MMEL1: variants seen among roughly 807,000 people sequenced by gnomAD.
MMEL1 encodes the protein membrane metallo-endopeptidase-like 1.
In MMEL1, 98 loss-of-function variants were observed where a neutral mutation model predicts 117.1. The observed-to-expected ratio is 0.84, with a 90% CI of 0.71 to 0.99. MMEL1 has a LOEUF of 0.99. Among genes scored for constraint, MMEL1 ranks in the 50% least tolerant of loss-of-function variants. MMEL1 has a pLI of 0.00. For missense variants in MMEL1, 1,014 were observed against 1,049.1 expected (o/e 0.97, Z 0.46); for synonymous variants, 390 against 415.1 (o/e 0.94, Z 0.74).
intron 9 of MMEL1, 44 bp downstream of exon 9, chr1:2,605,514 G>C (rs1314135315): frequency 1.3e-6 from 2 of 1,565,894 alleles, no homozygotes; most frequent in South Asian, 1.1e-5. Context: ...CGGGGTAGGG[G>C]GTGATGGGGG....
chr1:2,598,729 G>A lies in MMEL1; in HGVS notation c.1103C>T (p.Pro368Leu), dbSNP rs770991330. 6.2e-7 allele frequency: 1 copy of A among 1,614,108 alleles called. No homozygotes were observed. The highest frequency in any genetic ancestry group is 8.5e-7 in the Non-Finnish European group (1 of 1,179,988). The change falls in exon 12 of 24, where the codon CCA becomes CTA. Residue 368 changes from proline (P) to leucine (L), a missense_variant. Coordinates refer to ENST00000378412, the MANE Select transcript of MMEL1 (RefSeq NM_033467.4). ...GCCATAGACCACCACTTCCTCATCT[G>A]GCAGCAGCTTGATTTTGACAGAGGA... is the stretch of plus-strand genomic sequence containing the variant. The part of the protein sequence containing the change: ...VLSSVKIKLL[P>L]DEEVVVYGIP...
At position 2,596,541 on chromosome 1, in the gene MMEL1, C is replaced by T; in HGVS notation, c.1401+20G>A. The stretch of plus-strand genomic sequence containing the variant: ...TGTGGAAGGCTGGCCCCGCGTGGGC[C>T]ATGGATGAGGGGCGCCCACCATGCT... On this transcript the variant is annotated intron_variant, in intron 14 of 23. Coordinates refer to ENST00000378412, the MANE Select transcript of MMEL1 (RefSeq NM_033467.4). The T allele has an allele frequency of 1.2e-6, 2 of 1,605,490 alleles. No homozygotes were observed. The highest frequency in any genetic ancestry group is 1.7e-6 in the Non-Finnish European group (2 of 1,179,196).
chr1:2,591,721 C>A, intron 22 of MMEL1, 88 bp from the exon 23 acceptor site: 4 of 1,199,818 alleles, frequency 3.3e-6, no homozygotes, highest in Non-Finnish European at 3.7e-6. Context: ...CCCAGGCTGC[C>A]CCTTCTAGGG....
intron 2 of MMEL1, among the ~76,000 whole-genome samples, chr1:2,617,288 G>T (rs1482302353): frequency 6.6e-6 from 1 of 152,032 alleles, no homozygotes; most frequent in Non-Finnish European, 1.5e-5. Context: ...TTAGCCGGGC[G>T]TGGTGGCGGG....
chr1:2,592,800 C>T (rs1428837800), intron 20 of MMEL1, 33 bp downstream of exon 20: 1 of 1,612,332 alleles, frequency 6.2e-7, no homozygotes. Context: ...GCTCCGGTAC[C>T]CCCGCAGCCT....
At chr1:2,630,004 G>A (rs1374064424) in intron 1 of MMEL1, 3 of 152,746 alleles carry the variant, frequency 2.0e-5, no homozygotes, top group Admixed American at 2.0e-4. Context: ...TGACTACGTG[G>A]GCCAGGAAGG....
chr1:2,600,754 C>T (rs1393384189), intron 11 of MMEL1, among the ~76,000 whole-genome samples: 1 of 152,084 alleles, frequency 6.6e-6, no homozygotes, highest in Non-Finnish European at 1.5e-5. Context: ...TTTGTTTATT[C>T]TACAAATAAA....
intron 11 of MMEL1, among the ~76,000 whole-genome samples, chr1:2,599,999 G>C (rs767667949): frequency 6.6e-6 from 1 of 151,990 alleles, no homozygotes; most frequent in South Asian, 2.1e-4. Context: ...ACAGAGTCTC[G>C]CTTTGTTGCC....
chr1:2,604,197 C>T lies in MMEL1; in HGVS notation c.901G>A (p.Val301Met), dbSNP rs752861108. 2 of 1,612,782 alleles carry T rather than the reference C, an allele frequency of 1.2e-6. No individual in the cohort carries two copies. Among genetic ancestry groups the T allele is most frequent in the Non-Finnish European group, 1.7e-6 (2 of 1,179,914 alleles). Residue 301 changes from valine to methionine, a missense_variant, in exon 10 of 24, where the codon GTG (valine) becomes ATG (methionine). Transcript: ENST00000378412. ...AGCACCTGCACCATGTCCTCCTGCACCAGGCAGCTGTCCCTGGGCAGGTTT... is the reference window on the plus strand; with the variant it reads ...AGCACCTGCACCATGTCCTCCTGCATCAGGCAGCTGTCCCTGGGCAGGTTT... ...DANLPRDSCL[V>M]QEDMVQVLEL...
At chr1:2,615,697 G>C (rs1196262348) in intron 2 of MMEL1, among the ~76,000 whole-genome samples, 1 of 152,016 alleles carries the variant, frequency 6.6e-6, no homozygotes, top group African/African-American at 2.4e-5. Context: ...CTGGGGGTGG[G>C]GTATATAGGG....
At chr1:2,631,528 G>A (rs958938407) in intron 1 of MMEL1, among the ~76,000 whole-genome samples, 2 of 152,206 alleles carry the variant, frequency 1.3e-5, no homozygotes, top group South Asian at 4.1e-4. Context: ...CTCCTCCAGA[G>A]ATCCCTGACC....
chr1:2,594,654 G>A, intron 17 of MMEL1, 136 bp downstream of exon 17: 1 of 896,816 alleles, frequency 1.1e-6, no homozygotes, highest in South Asian at 1.6e-5. Flanking sequence ...TCCAAGATAG[G>A]CCCAGTGACT....
At chr1:2,610,695 A>C (rs932281507) in intron 4 of MMEL1, among the ~76,000 whole-genome samples, 1 of 152,116 alleles carries the variant, frequency 6.6e-6, no homozygotes, top group Non-Finnish European at 1.5e-5. Flanking sequence ...CTTCCCACTG[A>C]ACGCTTTCAA....
chr1:2,598,016 G>A (rs914900395), intron 13 of MMEL1, among the ~76,000 whole-genome samples, 191 bp downstream of exon 13: 2 of 152,236 alleles, frequency 1.3e-5, no homozygotes, highest in Admixed American at 6.5e-5. Flanking sequence ...CATACTCTGC[G>A]GTTTTGGCAG....
intron 7 of MMEL1, 71 bp downstream of exon 7, chr1:2,606,903 T>A: frequency 7.0e-7 from 1 of 1,431,320 alleles, no homozygotes; most frequent in Non-Finnish European, 9.7e-7. Flanking sequence ...CTGGAAGGCC[T>A]CAGACCGAAG....
At chr1:2,614,346 C>A (rs141862169) in intron 2 of MMEL1, among the ~76,000 whole-genome samples, 1 of 152,144 alleles carries the variant, frequency 6.6e-6, no homozygotes, top group African/African-American at 2.4e-5. Flanking sequence ...TGTACATAAG[C>A]GCTGTACTCT....
chr1:2,612,542 C>T lies in MMEL1; in HGVS notation c.155-338G>A, dbSNP rs1645147587. Among the ~76,000 whole-genome samples, 1 of 152,174 alleles carries T rather than the reference C, an allele frequency of 6.6e-6. No individual in the cohort carries two copies. Among genetic ancestry groups the T allele is most frequent in the Admixed American group, 6.5e-5 (1 of 15,286 alleles). ...GAGACCTTCCTCTTCCCGACAGCCT[C>T]CTCTACCTCAGGATCTTCCTGACCC... On this transcript the variant is annotated intron_variant, in intron 2 of 23. Coordinates refer to ENST00000378412, the MANE Select transcript of MMEL1 (RefSeq NM_033467.4). This position sits in a 1 kb window ranked among gnomAD's most constrained non-coding sequence, Gnocchi z 5.4.
Position 2,612,155 on chromosome 1 carries a change from C to T in MMEL1, c.204G>A (p.Glu68=), listed in dbSNP as rs1645140443. Residue 68 remains glutamate, a synonymous_variant, in exon 3 of 24, where the codon GAG becomes GAA. Coordinates refer to ENST00000378412, the MANE Select transcript of MMEL1 (RefSeq NM_033467.4). This position sits in a 1 kb window ranked among gnomAD's most constrained non-coding sequence, Gnocchi z 5.4. ...GGGGTTTTCGTTTTACAAAGGTCCT[C>T]TCCTCCTGTAAGAAGCACAGCCGGC... The part of the protein sequence containing the change: ...LASRLCFLQE[E]RTFVKRKPRG... The T allele has an allele frequency of 2.5e-6, 4 of 1,582,508 alleles. No individual in the cohort carries two copies. Among genetic ancestry groups the T allele is most frequent in the Non-Finnish European group, 2.6e-6 (3 of 1,163,062 alleles).
At chr1:2,604,057 C>T in intron 10 of MMEL1, 84 bp from the exon 11 acceptor site, 2 of 1,576,362 alleles carry the variant, frequency 1.3e-6, no homozygotes, top group Non-Finnish European at 8.6e-7. Context: ...GCTACCGGCC[C>T]ACCCAGCACC....
Sources: gnomAD v4.1 joint callset for allele counts (sites outside exome capture counted in the v4.1 genomes callset) on GRCh38, gnomAD v4.1.1 for gene constraint, Gnocchi (gnomAD v3.1) non-coding constraint, MANE v1.5 for transcripts, NCBI Gene and HGNC (gene_info 2026-07-23, HGNC 2026-07-21) for gene names.